The following RNF150 variants were observed in gnomAD, a reference collection of about 807,000 sequenced individuals.
RNF150 encodes the protein ring finger protein 150.
A neutral mutation model predicts 39.3 loss-of-function variants in RNF150; 24 were observed. The ratio of observed to expected loss-of-function variants is 0.61; its 90% confidence interval spans 0.44 to 0.86. The LOEUF (loss-of-function observed/expected upper bound fraction) is 0.86. Ranked by LOEUF, RNF150 falls within the 40% of genes least tolerant of loss-of-function variation. RNF150 has a pLI of 0.00. For missense variants in RNF150, 502 were observed against 587.8 expected, an observed-to-expected ratio of 0.85 and a Z score of 1.51; for synonymous variants, 255 against 227.3, an observed-to-expected ratio of 1.12 and a Z score of -1.10.
chr4:141,156,362 C>A (rs1727398945), intron 1 of RNF150, among the ~76,000 whole-genome samples: 1 of 152,098 alleles, frequency 6.6e-6, no homozygotes. Context: ...CTCACTGCAG[C>A]CTTGATCTCC....
At chr4:141,048,380 G>A (rs998641108) in intron 1 of RNF150, among the ~76,000 whole-genome samples, 13 of 152,226 alleles carry the variant, frequency 8.5e-5, no homozygotes, top group African/African-American at 3.1e-4. Flanking sequence ...TGGACCACTG[G>A]GAAACAAAGC....
At chr4:141,138,278 C>A (rs1727058680), upstream of RNF150, among the ~76,000 whole-genome samples, 1 of 151,984 alleles carries the variant, frequency 6.6e-6, no homozygotes, top group African/African-American at 2.4e-5. Flanking sequence ...TTATATTTTT[C>A]ATTTTACATT....
intron 4 of RNF150, among the ~76,000 whole-genome samples, chr4:140,930,318 A>G (rs1263054333): frequency 6.6e-6 from 1 of 152,214 alleles, no homozygotes; most frequent in East Asian, 1.9e-4. Context: ...ACATAAGCCA[A>G]TTCCTTGAAA....
chr4:140,899,974 C>CTCTCTCTCTCTGTGTG (rs1365683071), intron 6 of RNF150, among the ~76,000 whole-genome samples: 11 of 69,220 alleles, frequency 1.6e-4, no homozygotes, highest in African/African-American at 4.7e-4. Flanking sequence ...CTCTCTCTCT[C>CTCTCTCTCTCTGTGTG]TGTGTGTGTG....
intron 1 of RNF150, among the ~76,000 whole-genome samples, chr4:141,018,123 A>G (rs1424109449): frequency 6.6e-6 from 1 of 152,220 alleles, no homozygotes; most frequent in Non-Finnish European, 1.5e-5. Context: ...CAAAGATAAG[A>G]AGGGCTCATC....
chr4:140,990,799 G>A (rs890516557), intron 1 of RNF150, among the ~76,000 whole-genome samples: 2 of 152,024 alleles, frequency 1.3e-5, no homozygotes, highest in Non-Finnish European at 2.9e-5. Flanking sequence ...ATGAACATAC[G>A]TGTGCATGTA....
At chr4:141,168,022 G>C (rs1223107836) in intron 1 of RNF150, among the ~76,000 whole-genome samples, 1 of 152,092 alleles carries the variant, frequency 6.6e-6, no homozygotes, top group Non-Finnish European at 1.5e-5. Flanking sequence ...CAGAATGGGA[G>C]AAAATTATTG....
intron 1 of RNF150, among the ~76,000 whole-genome samples, chr4:141,173,406 T>C (rs1011556830): frequency 6.6e-6 from 1 of 152,252 alleles, no homozygotes; most frequent in African/African-American, 2.4e-5. Flanking sequence ...ATGAGCATTG[T>C]GTACTTCACT....
At chr4:140,914,394 A>G (rs1307707233) in intron 5 of RNF150, among the ~76,000 whole-genome samples, 1 of 152,252 alleles carries the variant, frequency 6.6e-6, no homozygotes, top group Non-Finnish European at 1.5e-5. Context: ...TTAAAACAAG[A>G]TGTCAAATGC....
intron 1 of RNF150, among the ~76,000 whole-genome samples, chr4:141,157,828 A>G (rs1398993307): frequency 1.3e-5 from 2 of 152,256 alleles, no homozygotes. Flanking sequence ...TGTTGAGAAA[A>G]GACCAAGGCT....
At chr4:140,921,442 C>T (rs1345534765) in intron 5 of RNF150, among the ~76,000 whole-genome samples, 4 of 152,124 alleles carry the variant, frequency 2.6e-5, no homozygotes, top group African/African-American at 4.8e-5. Context: ...TCTGAATAGA[C>T]CAATAACAGC....
At chr4:141,015,558 C>T (rs1010747195) in intron 1 of RNF150, among the ~76,000 whole-genome samples, 17 of 152,016 alleles carry the variant, frequency 1.1e-4, no homozygotes, top group African/African-American at 4.1e-4. Flanking sequence ...AGATAGTTTG[C>T]TGTTAGTCTA....
At chr4:140,999,993 A>AG (rs1414434256) in intron 1 of RNF150, among the ~76,000 whole-genome samples, 12,238 of 62,870 alleles carry the variant, frequency 0.19, 3,702 homozygotes, top group Non-Finnish European at 0.29. Context: ...GAAAAGAAGA[A>AG]AAGAAGAAGA....
chr4:140,960,404 T>C (rs1001102650), intron 2 of RNF150, among the ~76,000 whole-genome samples: 4 of 152,106 alleles, frequency 2.6e-5, no homozygotes, highest in Non-Finnish European at 5.9e-5. Context: ...GTGATAAAGG[T>C]AAATGGGTAG....
rs913292111 is a variant in RNF150, at chr4:141,100,038, T to C, written c.484+32287A>G. On this transcript the variant is annotated intron_variant, in intron 1 of 6. Coordinates refer to ENST00000515673, the MANE Select transcript of RNF150 (RefSeq NM_020724.2). ...AAGATCTCCTGATAACTGATAAACA[T>C]GAAAATATAAGCCCCTTAGAATGCT... 1.2e-4 allele frequency among the ~76,000 whole-genome samples: 18 copies of C among 152,136 alleles called. 1 individual carries two copies. Among genetic ancestry groups the C allele is most frequent in the African/African-American group, 3.4e-4 (14 of 41,450 alleles).
intron 1 of RNF150, among the ~76,000 whole-genome samples, chr4:141,049,988 A>T (rs201315443): frequency 1.3e-5 from 2 of 152,060 alleles, no homozygotes; most frequent in Non-Finnish European, 2.9e-5. Context: ...CAATAGCCAA[A>T]TTAATTTAAA....
intron 1 of RNF150, among the ~76,000 whole-genome samples, chr4:141,109,569 A>C (rs1042806679): frequency 6.6e-6 from 1 of 152,106 alleles, no homozygotes. Context: ...TGGGATCATA[A>C]GGAAATTCTT....
chr4:141,190,086 T>C (rs926391464), intron 1 of RNF150, among the ~76,000 whole-genome samples: 11 of 152,176 alleles, frequency 7.2e-5, no homozygotes, highest in Non-Finnish European at 1.5e-4. Context: ...GGGAGGTAGT[T>C]CACTGGCCCC....
chr4:141,032,033 CATATAT>C (rs920702566), intron 1 of RNF150, among the ~76,000 whole-genome samples: 10 of 151,504 alleles, frequency 6.6e-5, no homozygotes, highest in Admixed American at 1.3e-4. Flanking sequence ...TATATACACA[CATATAT>C]ATATAAACAT....
Sources: allele counts gnomAD v4.1 joint callset (sites outside exome capture counted in the v4.1 genomes callset), GRCh38; gene constraint gnomAD v4.1.1; transcripts MANE v1.5; gene names NCBI Gene and HGNC (gene_info 2026-07-23, HGNC 2026-07-21).